Variants in HMG20A observed in about 807,000 individuals in gnomAD.
HMG20A encodes high mobility group 20A, also known as high mobility group protein 20A.
In HMG20A, 17 loss-of-function variants were observed where a neutral mutation model predicts 43.9. The ratio of observed to expected loss-of-function variants is 0.39; its 90% CI spans 0.27 to 0.58. The LOEUF is 0.58. Ranked by LOEUF, HMG20A falls within the 20% of genes least tolerant of loss-of-function variation. The pLI, the probability that HMG20A is intolerant of heterozygous loss-of-function variation, is 0.59. For missense variants in HMG20A, 341 were observed against 438.2 expected (o/e 0.78, Z 1.98); for synonymous variants, 132 against 147.5 (o/e 0.89, Z 0.76).
downstream of HMG20A, among the ~76,000 whole-genome samples, chr15:77,488,494 G>C (rs2072956838): frequency 6.6e-6 from 1 of 152,166 alleles, no homozygotes. Flanking sequence ...TACCTGATGA[G>C]ATATTTTTTC....
intron 1 of HMG20A, among the ~76,000 whole-genome samples, chr15:77,453,454 G>T (rs1276852786): frequency 6.6e-6 from 1 of 152,118 alleles, no homozygotes; most frequent in Non-Finnish European, 1.5e-5. Context: ...TGGAGAAATT[G>T]GAACCCTAAT....
At chr15:77,500,563 C>CT in the HMG20A span, among the ~76,000 whole-genome samples, 31,238 of 144,622 alleles carry the variant, frequency 0.22, 3,937 homozygotes, top group Middle Eastern at 0.31. Context: ...CCTCCCTGTT[C>CT]TTTTTTTTTT....
intron 9 of HMG20A, 185 bp from the exon 10 acceptor site, chr15:77,482,785 T>C (rs1260818986): frequency 6.6e-6 from 1 of 152,128 alleles, no homozygotes; most frequent in Admixed American, 6.6e-5. Flanking sequence ...CTCAATGAGG[T>C]TGCCTGCTTA....
At chr15:77,429,204 A>G (rs1174861138) in intron 1 of HMG20A, among the ~76,000 whole-genome samples, 1 of 151,522 alleles carries the variant, frequency 6.6e-6, no homozygotes, top group Non-Finnish European at 1.5e-5. Context: ...ATAATTTAAT[A>G]TGGTGGGTTT....
chr15:77,493,817 C>T, the HMG20A span, among the ~76,000 whole-genome samples: 9 of 152,198 alleles, frequency 5.9e-5, no homozygotes, highest in South Asian at 6.2e-4. Context: ...ACAGAGACAA[C>T]GACTAGAAGA....
chr15:77,517,363 A>C, the HMG20A span, among the ~76,000 whole-genome samples: 1 of 152,050 alleles, frequency 6.6e-6, no homozygotes, highest in Non-Finnish European at 1.5e-5. Context: ...GCAGGTATTT[A>C]CTGAATGCTT....
At chr15:77,504,206 A>G in the HMG20A span, among the ~76,000 whole-genome samples, 4 of 152,358 alleles carry the variant, frequency 2.6e-5, no homozygotes, top group Non-Finnish European at 5.9e-5. Flanking sequence ...AGAGGAAATC[A>G]AGGGACCCCA....
chr15:77,443,583 G>A (rs575475650), intron 1 of HMG20A, among the ~76,000 whole-genome samples: 2 of 151,278 alleles, frequency 1.3e-5, no homozygotes, highest in African/African-American at 4.9e-5. Flanking sequence ...GTAGAGACAG[G>A]GTTTCACCAT....
downstream of HMG20A, among the ~76,000 whole-genome samples, chr15:77,488,988 C>T (rs1434973127): frequency 6.6e-6 from 1 of 152,174 alleles, no homozygotes; most frequent in Non-Finnish European, 1.5e-5. Flanking sequence ...CTGCTGCTTT[C>T]CTCTTACGTG....
the HMG20A span, among the ~76,000 whole-genome samples, chr15:77,517,380 T>C: frequency 9.2e-5 from 14 of 152,216 alleles, no homozygotes; most frequent in African/African-American, 3.1e-4. Flanking sequence ...GCTTGTTGAA[T>C]GGATGGTGAA....
the HMG20A span, among the ~76,000 whole-genome samples, chr15:77,515,000 C>T: frequency 1.3e-5 from 2 of 152,136 alleles, no homozygotes; most frequent in Admixed American, 6.5e-5. Flanking sequence ...CCTTGAGTGA[C>T]TGGGCAGATT....
At chr15:77,471,906 G>A in intron 6 of HMG20A, 92 bp downstream of exon 6, 1 of 671,856 alleles carries the variant, frequency 1.5e-6, no homozygotes, top group East Asian at 2.9e-5. Flanking sequence ...TTTAATGAAT[G>A]GCAAAGTATT....
chr15:77,505,194 G>C, the HMG20A span, among the ~76,000 whole-genome samples: 1 of 152,190 alleles, frequency 6.6e-6, no homozygotes, highest in African/African-American at 2.4e-5. Flanking sequence ...GCTCCAGATG[G>C]CTGCACGTCC....
At chr15:77,437,464 A>C (rs1348449679) in intron 1 of HMG20A, among the ~76,000 whole-genome samples, 1 of 152,188 alleles carries the variant, frequency 6.6e-6, no homozygotes, top group African/African-American at 2.4e-5. Flanking sequence ...ATGTTTTTGA[A>C]GTTTTTGATG....
the HMG20A span, among the ~76,000 whole-genome samples, chr15:77,493,452 G>C: frequency 1.3e-5 from 2 of 152,204 alleles, no homozygotes; most frequent in African/African-American, 4.8e-5. Flanking sequence ...GAGGCCATGT[G>C]CGGTCTTATC....
chr15:77,486,977 T>C (rs1208907988), downstream of HMG20A, among the ~76,000 whole-genome samples: 1 of 152,196 alleles, frequency 6.6e-6, no homozygotes, highest in Non-Finnish European at 1.5e-5. Flanking sequence ...AGTTGGGCAG[T>C]TAAAGGCTAG....
intron 1 of HMG20A, among the ~76,000 whole-genome samples, chr15:77,437,821 G>A (rs1030966701): frequency 6.6e-6 from 1 of 152,100 alleles, no homozygotes; most frequent in Non-Finnish European, 1.5e-5. Flanking sequence ...TGATCTCCCT[G>A]CCTCGGCCTC....
chr15:77,433,338 TAAAAAAAAAAAA>T (rs56217820), intron 1 of HMG20A, among the ~76,000 whole-genome samples: 2 of 118,544 alleles, frequency 1.7e-5, no homozygotes, highest in Non-Finnish European at 3.3e-5. Context: ...ACCCTGTCTC[TAAAAAAAAAAAA>T]AAAAAAAAAA....
At chr15:77,447,774 C>T (rs191287378) in intron 1 of HMG20A, 17 of 152,150 alleles carry the variant, frequency 1.1e-4, no homozygotes, top group African/African-American at 3.9e-4. Context: ...AGCTACACAT[C>T]ACTTGACACC....
Sources: gnomAD v4.1 joint callset for allele counts (sites outside exome capture counted in the v4.1 genomes callset) on GRCh38, gnomAD v4.1.1 for gene constraint, MANE v1.5 for transcripts, NCBI Gene and HGNC (gene_info 2026-07-23, HGNC 2026-07-21) for gene names.